The following GLP2R variants were observed in gnomAD, a reference collection of about 807,000 sequenced individuals.
GLP2R encodes the protein glucagon-like peptide 2 receptor.
GLP2R carries 59 observed loss-of-function variants against 68.2 expected under a neutral mutation model. That is an observed-to-expected ratio of 0.87 (90% CI 0.70 to 1.07). The LOEUF (loss-of-function observed/expected upper bound fraction) is 1.07, where lower values mean the gene tolerates loss of function less well. Ranked by LOEUF, GLP2R falls within the 50% of genes least tolerant of loss-of-function variation. GLP2R has a pLI of 0.00. For missense variants in GLP2R, 548 were observed against 677.4 expected, an observed-to-expected ratio of 0.81 and a Z score of 2.12; for synonymous variants, 270 against 265.4, an observed-to-expected ratio of 1.02 and a Z score of -0.17.
chr17:9,880,106 C>G (rs11078819), intron 10 of GLP2R, among the ~76,000 whole-genome samples: 4 of 152,170 alleles, frequency 2.6e-5, no homozygotes, highest in Non-Finnish European at 4.4e-5. Flanking sequence ...ACTTTAAGAG[C>G]TACAGACATA....
At chr17:9,864,545 C>T (rs562270318) in intron 9 of GLP2R, among the ~76,000 whole-genome samples, 13 of 151,784 alleles carry the variant, frequency 8.6e-5, no homozygotes, top group South Asian at 2.1e-4. Context: ...TTTTTTGAGA[C>T]GGAGTCTTGC....
chr17:9,881,823 T>C (rs938056270), intron 11 of GLP2R, among the ~76,000 whole-genome samples: 1 of 152,144 alleles, frequency 6.6e-6, no homozygotes, highest in African/African-American at 2.4e-5. Context: ...GGCAGCTCAT[T>C]AGTGAAGGCC....
intron 1 of GLP2R, among the ~76,000 whole-genome samples, chr17:9,828,896 A>G (rs539295685): frequency 1.3e-5 from 2 of 152,246 alleles, no homozygotes; most frequent in South Asian, 4.2e-4. Flanking sequence ...CTGCGTTTTC[A>G]GAGCATTTCT....
chr17:9,857,530 C>G lies in GLP2R; in HGVS notation c.719C>G (p.Ser240Cys), dbSNP rs2152038725. The G allele has an allele frequency of 6.2e-7, 1 of 1,614,144 alleles. No homozygotes were observed. Among genetic ancestry groups the G allele is most frequent in the East Asian group, 2.2e-5 (1 of 44,888 alleles). ...VKDVVFYNSY[S>C]KRPDNENGWM... is the part of the protein sequence containing the mutation. ...GACGTCGTCTTCTACAACTCTTACT[C>G]CAAGAGGCCTGACAATGAGAATGGG... Residue 240 changes from serine (S) to cysteine (C), a missense_variant, in exon 6 of 13, where the codon TCC becomes TGC. Ser to Cys is a moderately radical substitution (Grantham distance 112, BLOSUM62 -1). Coordinates refer to ENST00000262441, the MANE Select transcript of GLP2R (RefSeq NM_004246.3).
intron 8 of GLP2R, among the ~76,000 whole-genome samples, chr17:9,861,528 G>A (rs2066987529): frequency 1.3e-5 from 2 of 152,156 alleles, no homozygotes; most frequent in Admixed American, 1.3e-4. Flanking sequence ...AAAAACCACT[G>A]AATGCTCATC....
intron 10 of GLP2R, among the ~76,000 whole-genome samples, chr17:9,873,026 C>T (rs888850474): frequency 6.6e-6 from 1 of 152,174 alleles, no homozygotes; most frequent in Non-Finnish European, 1.5e-5. Flanking sequence ...TCTCTCTTGG[C>T]GCCTCCAGTC....
intron 1 of GLP2R, among the ~76,000 whole-genome samples, chr17:9,832,872 A>G (rs969525393): frequency 6.6e-6 from 1 of 152,224 alleles, no homozygotes; most frequent in African/African-American, 2.4e-5. Context: ...GAAATAGTCA[A>G]CGTTAGAAAG....
intron 7 of GLP2R, 35 bp downstream of exon 7, chr17:9,860,136 G>A (rs1382266666): frequency 4.5e-6 from 7 of 1,540,554 alleles, no homozygotes; most frequent in East Asian, 2.4e-5. Flanking sequence ...CTTTCCTGGG[G>A]ATCCATCAAA....
At chr17:9,874,082 G>A (rs1297720439) in intron 10 of GLP2R, among the ~76,000 whole-genome samples, 2 of 151,968 alleles carry the variant, frequency 1.3e-5, no homozygotes, top group Non-Finnish European at 2.9e-5. Context: ...AATTTAAGAG[G>A]ACAGATAAAA....
At chr17:9,842,361 G>A in intron 3 of GLP2R, 134 bp from the exon 4 acceptor site, 1 of 1,015,704 alleles carries the variant, frequency 9.8e-7, no homozygotes, top group Non-Finnish European at 1.4e-6. Flanking sequence ...CAAATAAACA[G>A]TGAGGATGTT....
chr17:9,879,193 G>T (rs1160147717), intron 10 of GLP2R, among the ~76,000 whole-genome samples: 1 of 151,404 alleles, frequency 6.6e-6, no homozygotes, highest in Non-Finnish European at 1.5e-5. Flanking sequence ...GGCAGGAGTA[G>T]TATATCACTT....
chr17:9,852,066 T>C (rs1274025411), intron 4 of GLP2R, among the ~76,000 whole-genome samples: 1 of 151,850 alleles, frequency 6.6e-6, no homozygotes, highest in Non-Finnish European at 1.5e-5. Flanking sequence ...TTTTGTTTTT[T>C]TTTTTACTTT....
chr17:9,857,452 A>G lies in GLP2R; in HGVS notation c.641A>G (p.His214Arg). 6.2e-7 allele frequency: 1 copy of G among 1,614,178 alleles called. No individual in the cohort carries two copies. Residue 214 changes from histidine to arginine, a missense_variant, in exon 6 of 13, where the codon CAC (histidine) becomes CGC (arginine). Physicochemically the swap from His to Arg is conservative, Grantham distance 29 (BLOSUM62 0). Coordinates refer to ENST00000262441, the MANE Select transcript of GLP2R (RefSeq NM_004246.3). ...RKLHCTRNYI[H>R]MNLFASFILR... ...CTCCACTGCACGCGCAACTACATCC[A>G]CATGAACTTGTTTGCTTCTTTCATC...
intron 11 of GLP2R, among the ~76,000 whole-genome samples, chr17:9,883,827 T>G (rs1166827878): frequency 6.6e-6 from 1 of 152,214 alleles, no homozygotes; most frequent in East Asian, 1.9e-4. Context: ...GAAATCATTA[T>G]TGGCAAACAC....
chr17:9,826,038 C>T lies in GLP2R; in HGVS notation c.-26C>T, dbSNP rs774024307. On this transcript the variant is annotated 5_prime_UTR_variant, in exon 1 of 13. Transcript: ENST00000262441. ...TCTTGGACGGCTAGAGAGATGTACC[C>T]CTACTTGTGAAGGTGCACGAGGAAG... 29 of 1,597,968 alleles carry T rather than the reference C, an allele frequency of 1.8e-5. No individual in the cohort carries two copies. Among genetic ancestry groups the T allele is most frequent in the Non-Finnish European group, 2.5e-5 (29 of 1,172,206 alleles).
chr17:9,852,654 C>A, intron 4 of GLP2R: 1 of 182,078 alleles, frequency 5.5e-6, no homozygotes, highest in Non-Finnish European at 1.1e-5. Context: ...AAATAAAACC[C>A]AAACTTGGTT....
At chr17:9,859,224 T>C (rs72822173) in intron 6 of GLP2R, among the ~76,000 whole-genome samples, 46 of 152,338 alleles carry the variant, frequency 3.0e-4, no homozygotes, top group Middle Eastern at 3.4e-3. Flanking sequence ...GATCCATGGA[T>C]TGCTTAGAAG....
intron 9 of GLP2R, among the ~76,000 whole-genome samples, chr17:9,870,081 G>T (rs190089236): frequency 6.6e-5 from 10 of 152,184 alleles, no homozygotes; most frequent in Non-Finnish European, 8.8e-5. Flanking sequence ...CACCAATAGG[G>T]ATGGAGTTCT....
Position 9,838,272 on chromosome 17 carries a change from G to A in GLP2R, c.382+1797G>A, listed in dbSNP as rs145288818. ...TGGGCAAATTCCCACAGCCCCCTGAGCTTCCACTTCCTCATCTATGAAGGG... is the reference window on the plus strand; with the variant it reads ...TGGGCAAATTCCCACAGCCCCCTGAACTTCCACTTCCTCATCTATGAAGGG... On this transcript the variant is annotated intron_variant, in intron 3 of 12. Transcript: ENST00000262441. Among the ~76,000 whole-genome samples the A allele has an allele frequency of 3.5e-4, 54 of 152,308 alleles. 1 individual carries two copies. Among genetic ancestry groups the A allele is most frequent in the African/African-American group, 1.3e-3 (52 of 41,562 alleles).
Sources: gnomAD v4.1 joint callset for allele counts (sites outside exome capture counted in the v4.1 genomes callset) on GRCh38, gnomAD v4.1.1 for gene constraint, MANE v1.5 for transcripts, NCBI Gene and HGNC (gene_info 2026-07-23, HGNC 2026-07-21) for gene names.